The following MYOM2 variants were observed in gnomAD, a reference collection of about 807,000 sequenced individuals.
MYOM2 encodes myomesin-2.
MYOM2 carries 254 observed loss-of-function variants against 187.6 expected under a neutral mutation model. That is an observed-to-expected ratio of 1.35 (90% CI 1.22 to 1.50). MYOM2 has a LOEUF of 1.50. Among genes scored for constraint, MYOM2 ranks in the 40% most tolerant of loss-of-function variants. The probability of loss-of-function intolerance (pLI) is 0.00; values close to 1 mark genes in which losing one functional copy is unlikely to be tolerated. For missense variants in MYOM2, 2,796 were observed against 1,924.0 expected (o/e 1.45, Z -8.48); for synonymous variants, 981 against 753.8 (o/e 1.30, Z -4.94).
At chr8:2,134,188 C>A (rs1471554007) in intron 32 of MYOM2, among the ~76,000 whole-genome samples, 1 of 152,136 alleles carries the variant, frequency 6.6e-6, no homozygotes, top group African/African-American at 2.4e-5. Flanking sequence ...AATCTCAGGT[C>A]CCATGTTGTG....
At position 2,109,483 on chromosome 8, in the gene MYOM2, T is replaced by C; in HGVS notation, c.3132T>C (p.Asp1044=). The C allele has an allele frequency of 6.2e-7, 1 of 1,613,516 alleles. No homozygotes were observed. The stretch of plus-strand genomic sequence containing the variant: ...TCCAGGCTGAGCACTTATCACCAGA[T>C]GCCAGCTACCGATTTATTATTAACG... ...FWLQAEHLSP[D]ASYRFIINDR... The change falls in exon 25 of 37, where the codon GAT becomes GAC. Residue 1044 remains aspartate, a synonymous_variant. Coordinates refer to ENST00000262113, the MANE Select transcript of MYOM2 (RefSeq NM_003970.4).
In MYOM2 at chr8:2,113,888, C is replaced by T. The variant is rs573726369; in HGVS notation, c.3181-2072C>T. 6.6e-5 allele frequency among the ~76,000 whole-genome samples: 10 copies of T among 152,332 alleles called. No individual in the cohort carries two copies. The East Asian group carries it at 1.4e-3, about 21-fold the overall frequency. The stretch of plus-strand genomic sequence containing the variant: ...GTATTTCTCACTGCCAGGCATGATG[C>T]TGGGCACAGCGTGAGGCTGCAGGGA... On this transcript the variant is annotated intron_variant, in intron 25 of 36. Transcript: ENST00000262113.
intron 1 of MYOM2, among the ~76,000 whole-genome samples, chr8:2,049,812 A>G (rs1818424444): frequency 6.6e-6 from 1 of 152,194 alleles, no homozygotes; most frequent in Non-Finnish European, 1.5e-5. Context: ...TTGGGTGAAC[A>G]TGTACAGCAG....
chr8:2,060,627 A>T (rs1818820976), intron 6 of MYOM2, among the ~76,000 whole-genome samples: 1 of 152,200 alleles, frequency 6.6e-6, no homozygotes, highest in African/African-American at 2.4e-5. Context: ...TCAGAGGAAA[A>T]GGTGCCTGCT....
intron 21 of MYOM2, among the ~76,000 whole-genome samples, chr8:2,103,897 G>A (rs572164630): frequency 6.6e-6 from 1 of 152,210 alleles, no homozygotes; most frequent in East Asian, 1.9e-4. Flanking sequence ...GATAGTGCAT[G>A]TGTTATGTGT....
chr8:2,062,877 G>T (rs934258562), intron 6 of MYOM2, among the ~76,000 whole-genome samples: 1 of 152,176 alleles, frequency 6.6e-6, no homozygotes, highest in Non-Finnish European at 1.5e-5. Context: ...AATGAAAAAC[G>T]TTGCGTTGAC....
intron 17 of MYOM2, among the ~76,000 whole-genome samples, chr8:2,094,538 G>T (rs1049052325): frequency 7.2e-5 from 11 of 152,182 alleles, no homozygotes; most frequent in African/African-American, 2.7e-4. Flanking sequence ...TGTAGTCCCA[G>T]CTACTCGATA....
intron 24 of MYOM2, 99 bp downstream of exon 24, chr8:2,108,929 G>C: frequency 8.3e-7 from 1 of 1,198,722 alleles, no homozygotes. Context: ...TTTGGGGAAA[G>C]GATGGCCTGA....
At chr8:2,069,535 G>A (rs763015835) in intron 8 of MYOM2, 38 bp downstream of exon 8, 11 of 1,610,438 alleles carry the variant, frequency 6.8e-6, no homozygotes, top group Non-Finnish European at 9.3e-6. Context: ...GTGGTGAAAT[G>A]TTTAGTGACA....
intron 3 of MYOM2, among the ~76,000 whole-genome samples, chr8:2,052,581 G>C (rs955085154): frequency 6.6e-6 from 1 of 152,198 alleles, no homozygotes; most frequent in African/African-American, 2.4e-5. Flanking sequence ...GAGCGCTCAC[G>C]CCACTGCCCA....
chr8:2,124,932 G>C (rs1310033533), intron 31 of MYOM2, among the ~76,000 whole-genome samples: 2 of 151,962 alleles, frequency 1.3e-5, no homozygotes, highest in African/African-American at 4.8e-5. Context: ...CATTTTTAAT[G>C]GGTTATTTGT....
chr8:2,110,616 C>A (rs1277835913), intron 25 of MYOM2, among the ~76,000 whole-genome samples: 1 of 152,122 alleles, frequency 6.6e-6, no homozygotes, highest in Non-Finnish European at 1.5e-5. Context: ...CCCTTAATGC[C>A]CAGTGTAGAG....
chr8:2,140,876 G>T lies in MYOM2; in HGVS notation c.3954G>T (p.Leu1318=), dbSNP rs1329950223. ...ACAACCATCAACGCTCCCTTGACCT[G>T]TCCGGACAAGGTAAGAGAATTCTTC... is the stretch of plus-strand genomic sequence containing the variant. ...GKDNHQRSLD[L]SGQAFDEAFA... Residue 1318 remains leucine, a synonymous_variant, in exon 33 of 37, where the codon CTG becomes CTT. Transcript: ENST00000262113. 1 of 1,610,248 alleles carries T rather than the reference G, an allele frequency of 6.2e-7. No individual in the cohort carries two copies. The highest frequency in any genetic ancestry group is 1.7e-5 in the Admixed American group (1 of 59,368).
intron 11 of MYOM2, among the ~76,000 whole-genome samples, chr8:2,077,940 G>A (rs1321612822): frequency 6.6e-6 from 1 of 152,134 alleles, no homozygotes; most frequent in African/African-American, 2.4e-5. Flanking sequence ...ATGACATGTG[G>A]ATCAGACAGC....
chr8:2,099,430 A>C, intron 19 of MYOM2, among the ~76,000 whole-genome samples: 1 of 151,066 alleles, frequency 6.6e-6, no homozygotes, highest in Admixed American at 6.6e-5. Context: ...TAGCTCCTGC[A>C]GTCCTCTCAG....
rs1376718713 is a variant in MYOM2 at position 2,138,613 on chromosome 8, G to T, written c.3801-2110G>T. On this transcript the variant is annotated intron_variant, in intron 32 of 36. Transcript: ENST00000262113. ...TTAAAAGTTTAGATAGAACCAAAGT[G>T]CTCACACTGCCCTGCCTTCTAAGGC... is the stretch of plus-strand genomic sequence containing the variant. Among the ~76,000 whole-genome samples, 3 of 152,238 alleles carry T rather than the reference G, an allele frequency of 2.0e-5. No individual in the cohort carries two copies. In the East Asian group the frequency reaches 5.8e-4, roughly 29 times the overall value.
At chr8:2,142,819 G>C (rs563436035) in intron 35 of MYOM2, among the ~76,000 whole-genome samples, 82 of 148,814 alleles carry the variant, frequency 5.5e-4, no homozygotes, top group African/African-American at 2.0e-3. Context: ...GCAATGGCAT[G>C]ATCTCGGCCC....
At chr8:2,089,391 C>T (rs1268035713) in intron 14 of MYOM2, among the ~76,000 whole-genome samples, 2 of 152,150 alleles carry the variant, frequency 1.3e-5, no homozygotes, top group East Asian at 1.9e-4. Context: ...TCTTTTTCTC[C>T]ATAGATTTTA....
rs781212969 is a variant in MYOM2 at position 2,098,871 on chromosome 8, G to A, written c.2328G>A (p.Thr776=). 22 of 1,612,654 alleles carry A rather than the reference G, an allele frequency of 1.4e-5. No individual in the cohort carries two copies. Among genetic ancestry groups the A allele is most frequent in the Admixed American group, 8.3e-5 (5 of 59,910 alleles). ...KPTILTVDGL[T]EGSLYEFKIA... ...AATCTGAATAGGTGGACGGCTTGAC[G>A]GAAGGCTCACTCTACGAGTTCAAAA... The change falls in exon 19 of 37, where the codon ACG becomes ACA. Residue 776 remains threonine (T), a synonymous_variant. Coordinates refer to ENST00000262113, the MANE Select transcript of MYOM2 (RefSeq NM_003970.4).
Sources: gnomAD v4.1 joint callset for allele counts (sites outside exome capture counted in the v4.1 genomes callset) on GRCh38, gnomAD v4.1.1 for gene constraint, MANE v1.5 for transcripts, NCBI Gene and HGNC (gene_info 2026-07-23, HGNC 2026-07-21) for gene names.